Variants in COLGALT1 observed in about 807,000 individuals in gnomAD.
COLGALT1 encodes the protein collagen beta(1-O)galactosyltransferase 1.
COLGALT1 carries 43 observed loss-of-function variants against 60.8 expected under a neutral mutation model. The observed-to-expected ratio is 0.71, with a 90% confidence interval of 0.55 to 0.91. The LOEUF is 0.91. Among genes scored for constraint, COLGALT1 ranks in the 40% least tolerant of loss-of-function variants. COLGALT1 has a pLI of 0.00. For synonymous variants in COLGALT1, 369 were observed against 374.2 expected (o/e 0.99, Z 0.16); for missense variants, 845 against 880.0 (o/e 0.96, Z 0.50).
rs781675245 is a variant in COLGALT1 at position 17,581,249 on chromosome 19, C to T, written c.1674C>T (p.Pro558=). 1 of 1,611,710 alleles carries T rather than the reference C, an allele frequency of 6.2e-7. No individual in the cohort carries two copies. Among genetic ancestry groups the T allele is most frequent in the East Asian group, 2.2e-5 (1 of 44,874 alleles). The stretch of plus-strand genomic sequence containing the variant: ...CTGTGGAGCCGCTGCTCATCTACCC[C>T]ACACACTACACAGGAGACGATGGCT... ...AFSVEPLLIY[P]THYTGDDGYV... The change falls in exon 12 of 12, where the codon CCC becomes CCT. Residue 558 remains proline, a synonymous_variant. Coordinates refer to ENST00000252599, the MANE Select transcript of COLGALT1 (RefSeq NM_024656.4).
At chr19:17,567,330 T>C (rs2076285305) in intron 3 of COLGALT1, 76 bp from the exon 4 acceptor site, 3 of 1,586,440 alleles carry the variant, frequency 1.9e-6, no homozygotes, top group South Asian at 2.2e-5. Flanking sequence ...CCCAGGGCAC[T>C]GGCCTTTGCC....
chr19:17,580,109 A>G (rs1358910838), intron 10 of COLGALT1: 5 of 186,688 alleles, frequency 2.7e-5, no homozygotes, highest in Non-Finnish European at 5.7e-5. Context: ...GCTGAAGAGC[A>G]TGGGGGTGTG....
intron 1 of COLGALT1, among the ~76,000 whole-genome samples, chr19:17,557,864 C>T (rs920525706): frequency 1.3e-5 from 2 of 151,546 alleles, no homozygotes; most frequent in South Asian, 2.1e-4. Context: ...GGCCTCCCAA[C>T]ATATTGGGAT....
rs201789623 is a variant in COLGALT1, at chr19:17,568,619, G to A, written c.735G>A (p.Ala245=). 72 of 1,614,182 alleles carry A rather than the reference G, an allele frequency of 4.5e-5. No homozygotes were observed. Among genetic ancestry groups the A allele is most frequent in the Middle Eastern group, 1.6e-4 (1 of 6,062 alleles). ...HSTFLIDLRK[A]ASRNLAFYPP... Reference sequence around the variant, plus strand: ...CCTTCCTGATCGACCTGCGGAAGGCGGCGTCCAGGAACCTGGCCTTCTACC... The same window carrying A: ...CCTTCCTGATCGACCTGCGGAAGGCAGCGTCCAGGAACCTGGCCTTCTACC... Residue 245 remains alanine, a synonymous_variant, in exon 5 of 12, where the codon GCG becomes GCA. Coordinates refer to ENST00000252599, the MANE Select transcript of COLGALT1 (RefSeq NM_024656.4).
At chr19:17,556,180 C>T (rs1022473960) in intron 1 of COLGALT1, among the ~76,000 whole-genome samples, 1 of 152,176 alleles carries the variant, frequency 6.6e-6, no homozygotes, top group Non-Finnish European at 1.5e-5. Flanking sequence ...TGCCCCCTGC[C>T]TGCTGTCCTC....
intron 2 of COLGALT1, 27 bp downstream of exon 2, chr19:17,559,448 C>A (rs2076235674): frequency 1.3e-6 from 2 of 1,518,608 alleles, no homozygotes; most frequent in South Asian, 1.2e-5. Context: ...TGCTCCTAGT[C>A]TGATTGGGCT....
In COLGALT1 at chr19:17,567,207, T is replaced by C. The variant is rs367645216; in HGVS notation, c.490-199T>C. Among the ~76,000 whole-genome samples, 4 of 152,242 alleles carry C rather than the reference T, an allele frequency of 2.6e-5. No individual in the cohort carries two copies. In the East Asian group the frequency reaches 5.8e-4, roughly 22 times the overall value. ...TGCCTAGAATTTTCTTTGAAGGAAC[T>C]GAAGACCTTTGCTTTATTTCCATGA... On this transcript the variant is annotated intron_variant, in intron 3 of 11. Coordinates refer to ENST00000252599, the MANE Select transcript of COLGALT1 (RefSeq NM_024656.4).
intron 6 of COLGALT1, among the ~76,000 whole-genome samples, chr19:17,573,507 AAC>A (rs1178805086): frequency 6.6e-6 from 1 of 151,536 alleles, no homozygotes; most frequent in East Asian, 1.9e-4. Context: ...TCAGCCTGGC[AAC>A]AGAGTGAAAC....
chr19:17,580,724 G>GT lies in COLGALT1; in HGVS notation c.1421dup (p.Glu475GlyfsTer39), dbSNP rs759507081. 6.2e-7 allele frequency: 1 copy of GT among 1,614,044 alleles called. No homozygotes were observed. Among genetic ancestry groups the GT allele is most frequent in the South Asian group, 1.1e-5 (1 of 91,078 alleles). On this transcript the variant is annotated frameshift_variant, in exon 11 of 12. Coordinates refer to ENST00000252599, the MANE Select transcript of COLGALT1 (RefSeq NM_024656.4). LOFTEE classifies it high-confidence loss of function. The stretch of plus-strand genomic sequence containing the variant: ...CTATGTGGGCCGGAAGCGGATGCAG[G>GT]TGGAGCACCCCGAGAAGGCTGTGCC...
At chr19:17,570,219 A>G (rs1207587955) in intron 5 of COLGALT1, among the ~76,000 whole-genome samples, 1 of 151,742 alleles carries the variant, frequency 6.6e-6, no homozygotes, top group Non-Finnish European at 1.5e-5. Flanking sequence ...TATGGCCACA[A>G]GCTAACAACA....
At chr19:17,568,802 C>A in intron 5 of COLGALT1, 89 bp downstream of exon 5, 2 of 1,308,838 alleles carry the variant, frequency 1.5e-6, no homozygotes, top group Non-Finnish European at 2.2e-6. Context: ...ACTGAAGATT[C>A]ACAGAACCCA....
chr19:17,570,087 G>A (rs937850761), intron 5 of COLGALT1, among the ~76,000 whole-genome samples: 2 of 151,574 alleles, frequency 1.3e-5, no homozygotes, highest in African/African-American at 4.8e-5. Context: ...TAGAGACGGG[G>A]TTTCACTGTG....
intron 5 of COLGALT1, 57 bp downstream of exon 5, chr19:17,568,770 G>A (rs2076295224): frequency 1.9e-6 from 3 of 1,567,312 alleles, no homozygotes; most frequent in Non-Finnish European, 1.8e-6. Flanking sequence ...TTTGGGTTTT[G>A]CACTAAGCCA....
chr19:17,558,184 C>T (rs2076224953), intron 1 of COLGALT1, among the ~76,000 whole-genome samples: 1 of 151,878 alleles, frequency 6.6e-6, no homozygotes, highest in Non-Finnish European at 1.5e-5. Flanking sequence ...AGTGATTCAC[C>T]CGCCTCGGCC....
In COLGALT1 at chr19:17,567,476, T is replaced by C. The variant is rs201581562; in HGVS notation, c.560T>C (p.Val187Ala). 128 of 1,613,978 alleles carry C rather than the reference T, an allele frequency of 7.9e-5. 1 individual carries two copies. Among genetic ancestry groups the C allele is most frequent in the Non-Finnish European group, 1.0e-4 (118 of 1,179,994 alleles). Residue 187 changes from valine (V) to alanine (A), a missense_variant, in exon 4 of 12, where the codon GTG (valine) becomes GCG (alanine). Coordinates refer to ENST00000252599, the MANE Select transcript of COLGALT1 (RefSeq NM_024656.4). ...LSLLIAENKT[V>A]VAPMLDSRAA... ...CTGCTCATCGCTGAGAACAAGACGGTGGTCGCCCCCATGCTGGATTCCCGG... is the reference window on the plus strand; with the variant it reads ...CTGCTCATCGCTGAGAACAAGACGGCGGTCGCCCCCATGCTGGATTCCCGG...
chr19:17,581,174 C>G lies in COLGALT1; in HGVS notation c.1602-3C>G, dbSNP rs766255783. ...CCCCTCACTCCCCTCCTCCTCCCCC[C>G]AGGTCCGAGTACAAGGCCCACTTCT... On this transcript the variant is annotated splice_region_variant and splice_polypyrimidine_tract_variant and intron_variant, in intron 11 of 11. Transcript: ENST00000252599. The G allele has an allele frequency of 2.5e-6, 4 of 1,605,568 alleles. No individual in the cohort carries two copies. The highest frequency in any genetic ancestry group is 2.7e-5 in the African/African-American group (2 of 74,206).
At chr19:17,577,737 AG>A (rs899567201) in intron 8 of COLGALT1, among the ~76,000 whole-genome samples, 10 of 152,030 alleles carry the variant, frequency 6.6e-5, no homozygotes, top group African/African-American at 2.4e-4. Flanking sequence ...GGGACTGTGG[AG>A]GGGTAAGTCA....
chr19:17,573,573 C>G (rs2076324810), intron 6 of COLGALT1, among the ~76,000 whole-genome samples: 1 of 152,054 alleles, frequency 6.6e-6, no homozygotes, highest in African/African-American at 2.4e-5. Context: ...GTGGCACATG[C>G]CTGTATTCTA....
At chr19:17,564,862 A>C (rs1000669567) in intron 3 of COLGALT1, among the ~76,000 whole-genome samples, 1 of 152,130 alleles carries the variant, frequency 6.6e-6, no homozygotes, top group African/African-American at 2.4e-5. Context: ...CCCAGAAAGA[A>C]AACCCTATTC....
Sources: allele counts gnomAD v4.1 joint callset (sites outside exome capture counted in the v4.1 genomes callset), GRCh38; gene constraint gnomAD v4.1.1; transcripts MANE v1.5; gene names NCBI Gene and HGNC (gene_info 2026-07-23, HGNC 2026-07-21).